Variants in ZSCAN25 observed in about 807,000 individuals in gnomAD.
ZSCAN25 encodes the protein zinc finger and SCAN domain-containing protein 25.
In ZSCAN25, 27 loss-of-function variants were observed where a neutral mutation model predicts 38.7. That is an observed-to-expected ratio of 0.70 (90% CI 0.51 to 0.96). The LOEUF (loss-of-function observed/expected upper bound fraction) is 0.96, where lower values mean the gene tolerates loss of function less well. Ranked by LOEUF, ZSCAN25 falls within the 40% of genes least tolerant of loss-of-function variation. The probability of loss-of-function intolerance (pLI) is 0.00; values close to 1 mark genes in which losing one functional copy is unlikely to be tolerated. For synonymous variants in ZSCAN25, 273 were observed against 277.7 expected (o/e 0.98, Z 0.17); for missense variants, 637 against 705.9 (o/e 0.90, Z 1.11).
chr7:99,629,510 T>C lies in ZSCAN25; in HGVS notation c.1125T>C (p.Tyr375=), dbSNP rs758276472. 1.4e-5 allele frequency: 22 copies of C among 1,614,116 alleles called. 1 individual carries two copies. The South Asian group carries it at 1.8e-4, about 13-fold the overall frequency. Residue 375 remains tyrosine (Y), a synonymous_variant, in exon 8 of 8, where the codon TAT becomes TAC. Transcript: ENST00000394152. The surrounding 1 kb of genome is among the most constrained non-coding windows in gnomAD (Gnocchi z 5.6). ...AGCGAACCCACGAAGAGAAGTCTTA[T>C]GGCTGTGTGGAGTGTGGGAAGGGCT... is the stretch of plus-strand genomic sequence containing the variant. ...RHQRTHEEKS[Y]GCVECGKGFT... is the part of the protein sequence containing the mutation.
chr7:99,668,761 G>T, the ZSCAN25 span, among the ~76,000 whole-genome samples: 1 of 152,226 alleles, frequency 6.6e-6, no homozygotes, highest in East Asian at 1.9e-4. Flanking sequence ...GAGCGCTGCT[G>T]TACACCAGAC....
chr7:99,647,737 C>CA, the ZSCAN25 span: 9 of 985,296 alleles, frequency 9.1e-6, no homozygotes, highest in Non-Finnish European at 1.1e-5. Context: ...GGAATTCTGA[C>CA]AAAGGCCCCA....
At chr7:99,624,016 A>G in intron 6 of ZSCAN25, 41 bp from the exon 7 acceptor site, 1 of 1,613,556 alleles carries the variant, frequency 6.2e-7, no homozygotes. Context: ...TCTCTGGCCT[A>G]GGATTCTTTC....
chr7:99,641,578 A>G, the ZSCAN25 span, among the ~76,000 whole-genome samples: 3 of 152,122 alleles, frequency 2.0e-5, no homozygotes, highest in Non-Finnish European at 2.9e-5. Context: ...CTACCTACTT[A>G]AAGATCAAGT....
the ZSCAN25 span, chr7:99,664,154 G>A: frequency 8.2e-5 from 111 of 1,345,930 alleles, 1 homozygote; most frequent in African/African-American, 4.0e-4. Context: ...TTTACCTGGA[G>A]CAATTATAAT....
chr7:99,655,006 A>C, the ZSCAN25 span, among the ~76,000 whole-genome samples: 2 of 152,036 alleles, frequency 1.3e-5, no homozygotes, highest in Non-Finnish European at 2.9e-5. Context: ...AGGTTGCAAA[A>C]ATTTTCTCCC....
chr7:99,662,982 C>T, the ZSCAN25 span: 1 of 1,552,590 alleles, frequency 6.4e-7, no homozygotes, highest in East Asian at 2.3e-5. The surrounding 1 kb of genome is among the most constrained non-coding windows in gnomAD (Gnocchi z 4.3). Context: ...ACTTCCCTCC[C>T]TCAACCTCCC....
chr7:99,630,116 C>T lies in ZSCAN25; in HGVS notation c.*96C>T, dbSNP rs528032849. On this transcript the variant is annotated 3_prime_UTR_variant, in exon 8 of 8. Coordinates refer to ENST00000394152, the MANE Select transcript of ZSCAN25 (RefSeq NM_145115.3). ...GGCTGCAGGAAAGCACTGGTCCCATCGCCTTCCCACCCATTCGCCAACGCG... is the reference window on the plus strand; with the variant it reads ...GGCTGCAGGAAAGCACTGGTCCCATTGCCTTCCCACCCATTCGCCAACGCG... The T allele has an allele frequency of 3.0e-5, 43 of 1,433,796 alleles. 1 individual carries two copies. In the South Asian group the frequency reaches 3.2e-4, roughly 11 times the overall value. 88.8% of individuals were successfully genotyped at this position (1,433,796 alleles called of 1,614,324 possible).
At chr7:99,711,305 C>T in the ZSCAN25 span, among the ~76,000 whole-genome samples, 39 of 152,264 alleles carry the variant, frequency 2.6e-4, no homozygotes, top group South Asian at 4.2e-4. Flanking sequence ...CTACAATATA[C>T]CTTGACAAAC....
At chr7:99,642,375 G>A in the ZSCAN25 span, among the ~76,000 whole-genome samples, 1 of 152,150 alleles carries the variant, frequency 6.6e-6, no homozygotes, top group African/African-American at 2.4e-5. Flanking sequence ...ACATTGACAG[G>A]CTGCACAGAG....
chr7:99,697,462 G>C, the ZSCAN25 span, among the ~76,000 whole-genome samples: 83 of 152,310 alleles, frequency 5.4e-4, no homozygotes, highest in Non-Finnish European at 9.6e-4. Context: ...TGGCTGAAAA[G>C]TATGGTGTAT....
intron 7 of ZSCAN25, among the ~76,000 whole-genome samples, chr7:99,627,291 A>G (rs1175178288): frequency 2.6e-5 from 4 of 152,248 alleles, no homozygotes; most frequent in Non-Finnish European, 5.9e-5. Context: ...CATCTAGTGC[A>G]TAGTCAGCTT....
chr7:99,657,749 T>G, the ZSCAN25 span, among the ~76,000 whole-genome samples: 2 of 152,356 alleles, frequency 1.3e-5, no homozygotes, highest in South Asian at 4.1e-4. Flanking sequence ...AAGACTTGCT[T>G]CATGAATCTG....
chr7:99,707,587 A>G, the ZSCAN25 span, among the ~76,000 whole-genome samples: 1 of 152,226 alleles, frequency 6.6e-6, no homozygotes, highest in Non-Finnish European at 1.5e-5. Context: ...GTAGATAATC[A>G]TGTCATGCTA....
the ZSCAN25 span, chr7:99,679,799 AAG>A: frequency 1.9e-6 from 3 of 1,612,732 alleles, no homozygotes; most frequent in Non-Finnish European, 2.5e-6. Context: ...CAAGGAAACA[AAG>A]AGAGGAGTTT....
At chr7:99,683,170 T>C in the ZSCAN25 span, among the ~76,000 whole-genome samples, 1 of 152,216 alleles carries the variant, frequency 6.6e-6, no homozygotes, top group Non-Finnish European at 1.5e-5. Flanking sequence ...TCTTGAACAT[T>C]CTTAATCCTG....
At chr7:99,665,111 A>G in the ZSCAN25 span, 1 of 1,392,020 alleles carries the variant, frequency 7.2e-7, no homozygotes, top group Admixed American at 2.1e-5. Context: ...TGTGAATTAT[A>G]TGTCAAGAAA....
chr7:99,651,673 A>G, the ZSCAN25 span, among the ~76,000 whole-genome samples: 2 of 152,244 alleles, frequency 1.3e-5, no homozygotes, highest in Non-Finnish European at 2.9e-5. Flanking sequence ...AGCATCCTGA[A>G]TCACCAGCCA....
At chr7:99,639,155 G>C in the ZSCAN25 span, among the ~76,000 whole-genome samples, 1 of 152,234 alleles carries the variant, frequency 6.6e-6, no homozygotes, top group East Asian at 1.9e-4. Context: ...TTCAGGAAGA[G>C]CAAATAGTTG....
Sources: allele counts gnomAD v4.1 joint callset (sites outside exome capture counted in the v4.1 genomes callset), GRCh38; gene constraint gnomAD v4.1.1; non-coding constraint Gnocchi (gnomAD v3.1); transcripts MANE v1.5; gene names NCBI Gene and HGNC (gene_info 2026-07-23, HGNC 2026-07-21).